The following FCRL3 variants were observed in gnomAD, a reference collection of about 807,000 sequenced individuals.
The protein encoded by FCRL3 is Fc receptor like 3, also known as Fc receptor-like protein 3.
A neutral mutation model predicts 75.0 loss-of-function variants in FCRL3; 89 were observed. The observed-to-expected ratio is 1.19, with a 90% CI of 1.00 to 1.42. The LOEUF is 1.42. Ranked by LOEUF, FCRL3 falls within the 40% of genes most tolerant of loss-of-function variation. The pLI is 0.00. For missense variants in FCRL3, 946 were observed against 880.0 expected, an observed-to-expected ratio of 1.07 and a Z score of -0.95; for synonymous variants, 376 against 348.5, an observed-to-expected ratio of 1.08 and a Z score of -0.88.
At position 157,678,542 on chromosome 1, in the gene FCRL3, A is replaced by G. The variant is rs78232055; in HGVS notation, c.*168T>C. The G allele has an allele frequency of 3.4e-6, 5 of 1,462,682 alleles. No individual in the cohort carries two copies. The highest frequency in any genetic ancestry group is 1.4e-5 in the African/African-American group (1 of 70,644). 90.6% of individuals were successfully genotyped at this position (1,462,682 alleles called of 1,614,324 possible). A position where few individuals can be genotyped will look rare whatever the true frequency, so the allele number is the denominator to read the frequency against. On this transcript the variant is annotated 3_prime_UTR_variant, in exon 15 of 15. Coordinates refer to ENST00000368184, the MANE Select transcript of FCRL3 (RefSeq NM_052939.4). ...GCTGCCTGCTCTCTTCCTGGGGAAC[A>G]CACAGATCAGGCACAGGGGAGATTT...
In FCRL3 at chr1:157,678,931, A is replaced by G. The variant is rs199704975; in HGVS notation, c.2058+11T>C. ...GCCAGAGAGGAAAGAAAGCCAAGAA[A>G]TGTGACTCACCTCATGCTCTTGATG... On this transcript the variant is annotated intron_variant, in intron 14 of 14. Transcript: ENST00000368184. 3.1e-6 allele frequency: 5 copies of G among 1,614,168 alleles called. No homozygotes were observed. In the East Asian group the frequency reaches 8.9e-5, roughly 29 times the overall value.
chr1:157,696,482 A>G (rs1557832903), intron 6 of FCRL3, 155 bp from the exon 7 acceptor site: 1 of 701,312 alleles, frequency 1.4e-6, no homozygotes, highest in Non-Finnish European at 2.3e-6. Context: ...ATACGATTAT[A>G]AAGGAAGCAA....
intron 11 of FCRL3, 98 bp downstream of exon 11, chr1:157,683,119 C>G: frequency 7.4e-7 from 1 of 1,359,542 alleles, no homozygotes; most frequent in Non-Finnish European, 1.0e-6. Context: ...AAAAATGCTA[C>G]TAGGAAATCC....
At chr1:157,699,251 G>A (rs1203194878) in intron 3 of FCRL3, among the ~76,000 whole-genome samples, 1 of 152,206 alleles carries the variant, frequency 6.6e-6, no homozygotes, top group Non-Finnish European at 1.5e-5. Context: ...GACAGGCATG[G>A]AAGTGAGGTG....
chr1:157,686,579 A>G (rs1439166174), intron 10 of FCRL3, among the ~76,000 whole-genome samples: 1 of 152,190 alleles, frequency 6.6e-6, no homozygotes, highest in Non-Finnish European at 1.5e-5. Context: ...TAGTACTGAT[A>G]CAAAAACAGA....
At chr1:157,697,003 G>A in intron 6 of FCRL3, 137 bp downstream of exon 6, 1 of 852,098 alleles carries the variant, frequency 1.2e-6, no homozygotes, top group Non-Finnish European at 1.6e-6. Flanking sequence ...GACCAACGTT[G>A]AGCTTAAAGA....
intron 6 of FCRL3, 112 bp downstream of exon 6, chr1:157,697,028 A>G (rs1427617952): frequency 9.3e-7 from 1 of 1,070,940 alleles, no homozygotes; most frequent in Non-Finnish European, 1.2e-6. Flanking sequence ...AGATTACCAG[A>G]ATAGCTGGAC....
Position 157,678,646 on chromosome 1 carries a change from G to A in FCRL3, c.*64C>T. On this transcript the variant is annotated 3_prime_UTR_variant, in exon 15 of 15. Coordinates refer to ENST00000368184, the MANE Select transcript of FCRL3 (RefSeq NM_052939.4). Reference sequence around the variant, plus strand: ...GAGTCTGGAGAGATGGATGATGTGTGGTTGGAGAGAACAGAAAAAAAAATG... The same window carrying A: ...GAGTCTGGAGAGATGGATGATGTGTAGTTGGAGAGAACAGAAAAAAAAATG... The A allele has an allele frequency of 5.0e-6, 8 of 1,599,546 alleles. No individual in the cohort carries two copies. In the South Asian group the frequency reaches 8.9e-5, roughly 18 times the overall value.
rs796516280 is a variant in FCRL3, at chr1:157,694,723, A to G, written c.1411+606T>C. 1.9e-4 allele frequency among the ~76,000 whole-genome samples: 29 copies of G among 152,234 alleles called. 2 individuals are homozygous for G. The highest frequency in any genetic ancestry group is 6.7e-4 in the African/African-American group (28 of 41,552). ...GCCTCTGCTGAAGGAAAATTTTGTTAGGGGATACTGAGAACATCAGATTAA... is the reference window on the plus strand; with the variant it reads ...GCCTCTGCTGAAGGAAAATTTTGTTGGGGGATACTGAGAACATCAGATTAA... On this transcript the variant is annotated intron_variant, in intron 8 of 14. Coordinates refer to ENST00000368184, the MANE Select transcript of FCRL3 (RefSeq NM_052939.4).
At position 157,690,470 on chromosome 1, in the gene FCRL3, A is replaced by C; in HGVS notation, c.1475T>G (p.Leu492Arg). The change falls in exon 9 of 15, where the codon CTG (leucine) becomes CGG (arginine). Residue 492 changes from leucine (L) to arginine (R), a missense_variant. Leu to Arg is a moderately radical substitution (Grantham distance 102). Transcript: ENST00000368184. The stretch of plus-strand genomic sequence containing the variant: ...CAGGGACTCACAGTGAAGCTCCAGC[A>C]GGTCCCCCACCACAGCCTGGGCCCC... ...APGAQAVVGD[L>R]LELHCESLRG... 1.2e-6 allele frequency: 2 copies of C among 1,614,254 alleles called. No individual in the cohort carries two copies. Among genetic ancestry groups the C allele is most frequent in the Non-Finnish European group, 1.7e-6 (2 of 1,180,040 alleles).
At position 157,698,236 on chromosome 1, in the gene FCRL3, G is replaced by C. The variant is rs1013153285; in HGVS notation, c.298+148C>G. The C allele has an allele frequency of 1.4e-5, 14 of 995,470 alleles. No homozygotes were observed. The African/African-American group carries it at 2.1e-4, about 15-fold the overall frequency. 61.7% of individuals were successfully genotyped at this position (995,470 alleles called of 1,614,324 possible). A position where few individuals can be genotyped will look rare whatever the true frequency, so the allele number is the denominator to read the frequency against. ...TGGATAGACAATCCAGCATCATGCT[G>C]CTGCCCTATCTCTTTATTTTCCCCA... On this transcript the variant is annotated intron_variant, in intron 4 of 14. Coordinates refer to ENST00000368184, the MANE Select transcript of FCRL3 (RefSeq NM_052939.4).
intron 10 of FCRL3, among the ~76,000 whole-genome samples, chr1:157,685,652 T>C (rs1381295544): frequency 6.6e-6 from 1 of 152,170 alleles, no homozygotes; most frequent in Non-Finnish European, 1.5e-5. Flanking sequence ...GAATATACAT[T>C]CTTCTCACCT....
chr1:157,697,159 T>C lies in FCRL3; in HGVS notation c.825A>G (p.Arg275=), dbSNP rs748186000. ...ACTCACTCTGTACACGTATCTGAGA[T>C]CTCAGGCTCCTTTTTTTGATGCTGT... The part of the protein sequence containing the change: ...VTHSIKKRSL[R]SQIRVQRVPV... Residue 275 remains arginine, a synonymous_variant, in exon 6 of 15, where the codon AGA becomes AGG. Transcript: ENST00000368184. 85 of 1,509,134 alleles carry C rather than the reference T, an allele frequency of 5.6e-5. No individual in the cohort carries two copies. Among genetic ancestry groups the C allele is most frequent in the Non-Finnish European group, 7.4e-5 (83 of 1,127,754 alleles). 93.5% of individuals were successfully genotyped at this position (1,509,134 alleles called of 1,614,324 possible).
chr1:157,696,135 A>C lies in FCRL3; in HGVS notation c.1037T>G (p.Leu346Arg). The change falls in exon 7 of 15, where the codon CTC becomes CGC. Residue 346 changes from leucine to arginine, a missense_variant. Transcript: ENST00000368184. ...QRSLLAELHV[L>R]TVKESDAGRY... is the part of the protein sequence containing the mutation. ...CCCTGCATCACTCTCCTTCACGGTGAGAACATGCAGCTCTGCCAACAGGGA... is the reference window on the plus strand; with the variant it reads ...CCCTGCATCACTCTCCTTCACGGTGCGAACATGCAGCTCTGCCAACAGGGA... 2 of 1,613,976 alleles carry C rather than the reference A, an allele frequency of 1.2e-6. No homozygotes were observed. Among genetic ancestry groups the C allele is most frequent in the Non-Finnish European group, 1.7e-6 (2 of 1,180,006 alleles).
At chr1:157,679,432 G>A (rs988239917) in intron 13 of FCRL3, among the ~76,000 whole-genome samples, 3 of 152,152 alleles carry the variant, frequency 2.0e-5, no homozygotes, top group Non-Finnish European at 4.4e-5. Flanking sequence ...GACCAGAGAG[G>A]AGATTGGCAT....
At position 157,676,569 on chromosome 1, in the gene FCRL3, C is replaced by T; in HGVS notation, c.*2141G>A. ...GGCTATGGGTTTTTAGTTGTGAATT[C>T]AAAGATAAAAGTCAAGTAGAGCACT... On this transcript the variant is annotated 3_prime_UTR_variant, in exon 15 of 15. Transcript: ENST00000368184. 1 of 737,694 alleles carries T rather than the reference C, an allele frequency of 1.4e-6. No homozygotes were observed. The allele number at this position is 737,694 out of a possible 1,614,324, so 45.7% of individuals were successfully genotyped here. A position where few individuals can be genotyped will look rare whatever the true frequency, so the allele number is the denominator to read the frequency against.
intron 3 of FCRL3, among the ~76,000 whole-genome samples, 171 bp from the exon 4 acceptor site, chr1:157,698,800 C>T (rs1656131345): frequency 6.6e-6 from 1 of 152,180 alleles, no homozygotes; most frequent in Non-Finnish European, 1.5e-5. Context: ...AGAATCTGTT[C>T]TTCCTCATCC....
In FCRL3 at chr1:157,677,920, G is replaced by T; in HGVS notation, c.*790C>A. ...GGAAGAGAATGGGAGAAGCCACATA[G>T]ATATAGTAGGTTATTGTCTCGGGGT... is the stretch of plus-strand genomic sequence containing the variant. On this transcript the variant is annotated 3_prime_UTR_variant, in exon 15 of 15. Coordinates refer to ENST00000368184, the MANE Select transcript of FCRL3 (RefSeq NM_052939.4). The T allele has an allele frequency of 1.0e-6, 1 of 977,942 alleles. No homozygotes were observed. The highest frequency in any genetic ancestry group is 1.2e-6 in the Non-Finnish European group (1 of 823,272). The allele number at this position is 977,942 out of a possible 1,614,324, so 60.6% of individuals were successfully genotyped here.
intron 10 of FCRL3, 54 bp downstream of exon 10, chr1:157,689,743 CA>C: frequency 6.2e-7 from 1 of 1,609,032 alleles, no homozygotes; most frequent in South Asian, 1.1e-5. Context: ...CAGACAACTT[CA>C]AATTATTATA....
Sources: gnomAD v4.1 joint callset for allele counts (sites outside exome capture counted in the v4.1 genomes callset) on GRCh38, gnomAD v4.1.1 for gene constraint, MANE v1.5 for transcripts, NCBI Gene and HGNC (gene_info 2026-07-23, HGNC 2026-07-21) for gene names.